EIF4G3: variants seen among roughly 807,000 people sequenced by gnomAD.
The protein encoded by EIF4G3 is eIF-4-gamma 3.
A neutral mutation model predicts 186.4 loss-of-function variants in EIF4G3; 34 were observed. The ratio of observed to expected loss-of-function variants is 0.18; its 90% CI spans 0.14 to 0.24. The LOEUF is 0.24. Among genes scored for constraint, EIF4G3 ranks in the 10% least tolerant of loss-of-function variants. EIF4G3 has a pLI of 1.00. For synonymous variants in EIF4G3, 673 were observed against 679.5 expected (o/e 0.99, Z 0.15); for missense variants, 1,536 against 1,948.5 (o/e 0.79, Z 3.99).
In EIF4G3 at chr1:20,967,541, T is replaced by C. The variant is rs574371689; in HGVS notation, c.714+1933A>G. On this transcript the variant is annotated intron_variant, in intron 12 of 36. Coordinates refer to ENST00000602326, the MANE Select transcript of EIF4G3 (RefSeq NM_001391906.1). ...GAGGAGTGATGAAGAATTATTAACA[T>C]GACCTTACAACACACATGTCCAGAT... is the stretch of plus-strand genomic sequence containing the variant. Among the ~76,000 whole-genome samples, 11 of 152,288 alleles carry C rather than the reference T, an allele frequency of 7.2e-5. No individual in the cohort carries two copies. In the East Asian group the frequency reaches 1.9e-3, roughly 27 times the overall value.
chr1:20,830,244 C>T (rs930104540), intron 30 of EIF4G3, among the ~76,000 whole-genome samples: 4 of 152,118 alleles, frequency 2.6e-5, no homozygotes, highest in African/African-American at 9.7e-5. Flanking sequence ...TTTTCAGAGG[C>T]CTACATCTCA....
rs1390135571 is a variant in EIF4G3 at position 20,941,462 on chromosome 1, AGCACGAGATTAATG to A, written c.1663+15_1663+28del. 6.2e-7 allele frequency: 1 copy of A among 1,605,846 alleles called. No homozygotes were observed. Among genetic ancestry groups the A allele is most frequent in the Admixed American group, 1.7e-5 (1 of 58,918 alleles). ...CACTGCCTCTTCTTCATGTTCAGCA[AGCACGAGATTAATG>A]GCAGAATGGCTTACCTGGGACAGGG... On this transcript the variant is annotated intron_variant, in intron 14 of 36. Transcript: ENST00000602326.
rs186671222 is a variant in EIF4G3, at chr1:20,925,286, A to G, written c.1663+16205T>C. ...ACAATTTATGGAACATCAGTGTATA[A>G]TATCATGTCAAAGGGAGGTTTTCCC... On this transcript the variant is annotated intron_variant, in intron 14 of 36. Transcript: ENST00000602326. 1.2e-4 allele frequency among the ~76,000 whole-genome samples: 18 copies of G among 152,334 alleles called. No homozygotes were observed. In the East Asian group the frequency reaches 2.9e-3, roughly 25 times the overall value.
intron 4 of EIF4G3, among the ~76,000 whole-genome samples, chr1:21,036,729 A>G (rs1276238488): frequency 6.6e-6 from 1 of 151,980 alleles, no homozygotes. Context: ...AAAAATACAA[A>G]AATTAGCCAG....
chr1:21,078,678 T>A (rs899701581), intron 3 of EIF4G3, among the ~76,000 whole-genome samples: 1 of 152,214 alleles, frequency 6.6e-6, no homozygotes, highest in African/African-American at 2.4e-5. Context: ...CACACATTAC[T>A]TGCATGCATC....
intron 3 of EIF4G3, among the ~76,000 whole-genome samples, chr1:21,063,762 T>G: frequency 2.1e-5 from 3 of 144,476 alleles, no homozygotes; most frequent in African/African-American, 5.1e-5. Flanking sequence ...CAGACTGGAG[T>G]GCAGTGGTGC....
chr1:20,814,766 C>CT (rs1371292890), intron 34 of EIF4G3, among the ~76,000 whole-genome samples: 1 of 60,466 alleles, frequency 1.7e-5, no homozygotes, highest in African/African-American at 6.4e-5. Flanking sequence ...TCCCCCTCCC[C>CT]CTCCCCCTCC....
At chr1:21,079,143 T>A (rs991687330) in intron 3 of EIF4G3, among the ~76,000 whole-genome samples, 5 of 152,160 alleles carry the variant, frequency 3.3e-5, no homozygotes, top group Non-Finnish European at 5.9e-5. Flanking sequence ...GATAGGACAA[T>A]CAAACAGATT....
intron 2 of EIF4G3, among the ~76,000 whole-genome samples, chr1:21,105,618 G>A (rs902995014): frequency 6.6e-6 from 1 of 152,030 alleles, no homozygotes; most frequent in African/African-American, 2.4e-5. Context: ...TGAGAGGAAG[G>A]TAATAGTATT....
chr1:21,109,432 C>G (rs1008501726), intron 2 of EIF4G3, among the ~76,000 whole-genome samples: 6 of 152,086 alleles, frequency 3.9e-5, no homozygotes, highest in African/African-American at 1.4e-4. Flanking sequence ...ATCGCTTGAG[C>G]CCAGGAGTTC....
intron 14 of EIF4G3, among the ~76,000 whole-genome samples, chr1:20,909,940 C>T (rs2092924440): frequency 6.6e-6 from 1 of 152,004 alleles, no homozygotes. Context: ...CGCAACCATG[C>T]CCGGCTAATT....
intron 34 of EIF4G3, among the ~76,000 whole-genome samples, chr1:20,814,310 C>G (rs1230533852): frequency 1.3e-5 from 2 of 152,138 alleles, no homozygotes; most frequent in Non-Finnish European, 2.9e-5. Context: ...ATTAAATGTC[C>G]AATTCATTGA....
chr1:20,997,473 G>T, intron 7 of EIF4G3, 128 bp downstream of exon 7: 1 of 931,406 alleles, frequency 1.1e-6, no homozygotes, highest in Non-Finnish European at 1.7e-6. Context: ...AATTATATCA[G>T]ATAAAAGCTA....
intron 2 of EIF4G3, among the ~76,000 whole-genome samples, chr1:21,137,828 A>G (rs1330404786): frequency 6.6e-6 from 1 of 151,856 alleles, no homozygotes; most frequent in Non-Finnish European, 1.5e-5. Context: ...AAAAAAAAAA[A>G]AAAAGATTGT....
intron 34 of EIF4G3, among the ~76,000 whole-genome samples, chr1:20,816,170 T>G (rs2060762758): frequency 4.8e-5 from 5 of 104,796 alleles, no homozygotes; most frequent in African/African-American, 7.5e-5. Context: ...CGGCCGCCCC[T>G]ACTGGGAAGT....
chr1:21,118,622 C>T (rs2096870541), intron 2 of EIF4G3, among the ~76,000 whole-genome samples: 1 of 151,916 alleles, frequency 6.6e-6, no homozygotes, highest in African/African-American at 2.4e-5. Flanking sequence ...CCCGTCTCTA[C>T]TAAAAATACA....
rs2092549159 is a variant in EIF4G3 at position 21,029,606 on chromosome 1, C to A, written c.-67+21260G>T. Among the ~76,000 whole-genome samples the A allele has an allele frequency of 2.0e-5, 3 of 151,794 alleles. No individual in the cohort carries two copies. The South Asian group carries it at 6.2e-4, about 32-fold the overall frequency. Reference sequence around the variant, plus strand: ...ACAACATAGCAAGACCTCATCACTACAAAATAAACCATTAGTTTGATTTTT... The same window carrying A: ...ACAACATAGCAAGACCTCATCACTAAAAAATAAACCATTAGTTTGATTTTT... On this transcript the variant is annotated intron_variant, in intron 4 of 36. Coordinates refer to ENST00000602326, the MANE Select transcript of EIF4G3 (RefSeq NM_001391906.1).
intron 3 of EIF4G3, among the ~76,000 whole-genome samples, chr1:21,068,343 C>A (rs1191433504): frequency 2.3e-5 from 3 of 131,580 alleles, no homozygotes; most frequent in African/African-American, 8.2e-5. Context: ...CACCTGCACT[C>A]CAGTCTGGGC....
intron 14 of EIF4G3, among the ~76,000 whole-genome samples, chr1:20,914,135 G>A (rs1477111320): frequency 3.3e-5 from 5 of 151,526 alleles, no homozygotes; most frequent in Admixed American, 2.0e-4. Context: ...TAACAGTTGC[G>A]GTTAGTGATG....
Sources: gnomAD v4.1 joint callset for allele counts (sites outside exome capture counted in the v4.1 genomes callset) on GRCh38, gnomAD v4.1.1 for gene constraint, MANE v1.5 for transcripts, NCBI Gene and HGNC (gene_info 2026-07-23, HGNC 2026-07-21) for gene names.